CNGB1: variants seen among roughly 807,000 people sequenced by gnomAD.
The protein encoded by CNGB1 is cyclic nucleotide-gated channel beta-1.
In CNGB1, 126 loss-of-function variants were observed where a neutral mutation model predicts 151.7. That is an observed-to-expected ratio of 0.83 (90% CI 0.72 to 0.96). The LOEUF is 0.96. CNGB1 is among the 40% of genes least tolerant of loss of function. CNGB1 has a pLI of 0.00. For missense variants in CNGB1, 1,698 were observed against 1,627.0 expected, an observed-to-expected ratio of 1.04 and a Z score of -0.75; for synonymous variants, 623 against 635.1, an observed-to-expected ratio of 0.98 and a Z score of 0.29.
chr16:57,890,911 C>T (rs1360691240), intron 31 of CNGB1, among the ~76,000 whole-genome samples: 2 of 152,166 alleles, frequency 1.3e-5, no homozygotes, highest in Non-Finnish European at 1.5e-5. Context: ...ATTCCCACGC[C>T]CCCCCATGTT....
chr16:57,929,476 G>GGA (rs59227159), intron 17 of CNGB1, among the ~76,000 whole-genome samples: 4 of 145,748 alleles, frequency 2.7e-5, no homozygotes, highest in East Asian at 2.0e-4. Context: ...AGAGAGAGAG[G>GGA]GAGAGAGAGA....
At chr16:57,906,630 G>C (rs967051777) in intron 25 of CNGB1, among the ~76,000 whole-genome samples, 1 of 152,238 alleles carries the variant, frequency 6.6e-6, no homozygotes, top group Non-Finnish European at 1.5e-5. Context: ...CTGGCCATCA[G>C]AGGGCACGCG....
intron 16 of CNGB1, among the ~76,000 whole-genome samples, chr16:57,932,565 G>A (rs1171189844): frequency 2.6e-5 from 4 of 151,126 alleles, no homozygotes; most frequent in Non-Finnish European, 5.9e-5. Context: ...ACCACGCCCG[G>A]CTAGTTTTTG....
chr16:57,943,806 A>G (rs1961731817), intron 14 of CNGB1, among the ~76,000 whole-genome samples: 1 of 152,234 alleles, frequency 6.6e-6, no homozygotes, highest in African/African-American at 2.4e-5. Flanking sequence ...TGGAACTACC[A>G]TATGATTCAG....
At chr16:57,956,362 A>G (rs1801802123) in intron 12 of CNGB1, among the ~76,000 whole-genome samples, 1 of 152,148 alleles carries the variant, frequency 6.6e-6, no homozygotes, top group Admixed American at 6.5e-5. Context: ...GCTCTGAGAC[A>G]GGCCAGCTCT....
intron 23 of CNGB1, among the ~76,000 whole-genome samples, chr16:57,914,887 C>G (rs1960820857): frequency 6.6e-6 from 1 of 152,182 alleles, no homozygotes. Flanking sequence ...AAGATCCCCT[C>G]TTGAGAGTCT....
chr16:57,922,475 C>T (rs917398845), intron 18 of CNGB1, among the ~76,000 whole-genome samples: 5 of 150,132 alleles, frequency 3.3e-5, no homozygotes, highest in Non-Finnish European at 2.9e-5. Flanking sequence ...GTCACCCAGG[C>T]TGGAGTGCAG....
intron 25 of CNGB1, among the ~76,000 whole-genome samples, chr16:57,909,923 G>A (rs370307): frequency 0.54 from 81,644 of 152,090 alleles, 22,011 homozygotes; most frequent in East Asian, 0.59. Flanking sequence ...GGAATGGGGC[G>A]GTACTATCTG....
At chr16:57,960,696 A>G (rs1277838445) in intron 8 of CNGB1, 144 bp downstream of exon 8, 4 of 1,236,206 alleles carry the variant, frequency 3.2e-6, no homozygotes, top group Non-Finnish European at 2.3e-6. Flanking sequence ...ACTCCTCCCC[A>G]TAGAGGACTC....
In CNGB1 at chr16:57,915,298, T is replaced by C. The variant is rs758957796; in HGVS notation, c.2255A>G (p.Tyr752Cys). Residue 752 changes from tyrosine to cysteine, a missense_variant, in exon 23 of 33, where the codon TAT becomes TGT. Transcript: ENST00000251102. The stretch of plus-strand genomic sequence containing the variant: ...GAGGGGGTTCACACCGACTTTCAAA[T>C]AGAGAAAATCCAAGGGCAGGAGGCT... ...LLSLLPLDFL[Y>C]LKVGVNPLLR... 1.2e-5 allele frequency: 19 copies of C among 1,613,824 alleles called. No individual in the cohort carries two copies. The highest frequency in any genetic ancestry group is 1.6e-5 in the Non-Finnish European group (19 of 1,179,914).
chr16:57,947,348 C>T (rs186459639), intron 14 of CNGB1, among the ~76,000 whole-genome samples: 3 of 152,324 alleles, frequency 2.0e-5, no homozygotes, highest in Admixed American at 2.0e-4. Flanking sequence ...AAGGCAGCCA[C>T]TTGTAGCTAT....
At chr16:57,949,670 TAG>T in intron 13 of CNGB1, among the ~76,000 whole-genome samples, 5 of 152,194 alleles carry the variant, frequency 3.3e-5, no homozygotes, top group African/African-American at 1.2e-4. Context: ...GTGGTGACCC[TAG>T]GTCAGCCTCT....
At chr16:57,949,219 G>T in intron 14 of CNGB1, 134 bp downstream of exon 14, 2 of 1,518,522 alleles carry the variant, frequency 1.3e-6, no homozygotes, top group Non-Finnish European at 1.8e-6. Flanking sequence ...CAGCCTCTTT[G>T]GTCAAAGCCC....
intron 25 of CNGB1, among the ~76,000 whole-genome samples, chr16:57,908,064 T>C (rs1219740222): frequency 6.6e-6 from 1 of 151,988 alleles, no homozygotes; most frequent in Non-Finnish European, 1.5e-5. Flanking sequence ...AAGTTTTGTA[T>C]TTTTTTTGTA....
intron 14 of CNGB1, among the ~76,000 whole-genome samples, chr16:57,947,952 G>A (rs1961849461): frequency 6.6e-6 from 1 of 152,204 alleles, no homozygotes; most frequent in South Asian, 2.1e-4. Flanking sequence ...CAGAAGCAAA[G>A]TGGAGTTGGC....
At chr16:57,916,039 A>G (rs71387200) in intron 22 of CNGB1, 90 bp downstream of exon 22, 22,693 of 1,248,134 alleles carry the variant, frequency 0.018, 264 homozygotes, top group Non-Finnish European at 0.023. Flanking sequence ...CAGAAACCAC[A>G]TCTCATGAAC....
Position 57,890,141 on chromosome 16 carries a change from C to T in CNGB1, c.3243-2067G>A, listed in dbSNP as rs118010034. The stretch of plus-strand genomic sequence containing the variant: ...ACAAATGAATTCTGCCTGCAACCAG[C>T]GGGCCTAGACAATGAATTGGCAAAT... On this transcript the variant is annotated intron_variant, in intron 31 of 32. Coordinates refer to ENST00000251102, the MANE Select transcript of CNGB1 (RefSeq NM_001297.5). Among the ~76,000 whole-genome samples the T allele has an allele frequency of 1.3e-4, 20 of 152,326 alleles. No homozygotes were observed. The East Asian group carries it at 2.1e-3, about 16-fold the overall frequency.
chr16:57,897,329 C>T, intron 31 of CNGB1, 68 bp downstream of exon 31: 1 of 1,379,262 alleles, frequency 7.3e-7, no homozygotes, highest in Non-Finnish European at 1.0e-6. Flanking sequence ...GATAAAGGTA[C>T]TGTGGTTATG....
chr16:57,898,980 G>T (rs1223371137), intron 29 of CNGB1, among the ~76,000 whole-genome samples: 1 of 152,004 alleles, frequency 6.6e-6, no homozygotes, highest in Non-Finnish European at 1.5e-5. Context: ...CAATATGACT[G>T]GTGTCCTAAC....
Sources: allele counts gnomAD v4.1 joint callset (sites outside exome capture counted in the v4.1 genomes callset), GRCh38; gene constraint gnomAD v4.1.1; transcripts MANE v1.5; gene names NCBI Gene and HGNC (gene_info 2026-07-23, HGNC 2026-07-21).